Variants in OIT3 observed in about 807,000 individuals in gnomAD.
OIT3 encodes oncoprotein induced transcript 3.
Under a neutral mutation model 52.2 loss-of-function variants are expected in OIT3, and 41 were observed. The ratio of observed to expected loss-of-function variants is 0.79; its 90% CI spans 0.61 to 1.02. The LOEUF (loss-of-function observed/expected upper bound fraction) is 1.02. Ranked by LOEUF, OIT3 falls within the 50% of genes least tolerant of loss-of-function variation. The pLI is 0.00. For synonymous variants in OIT3, 244 were observed against 276.9 expected, an observed-to-expected ratio of 0.88 and a Z score of 1.18; for missense variants, 634 against 715.5, an observed-to-expected ratio of 0.89 and a Z score of 1.30.
chr10:72,906,219 A>G (rs1845977505), intron 3 of OIT3, among the ~76,000 whole-genome samples: 1 of 152,218 alleles, frequency 6.6e-6, no homozygotes, highest in Admixed American at 6.5e-5. Flanking sequence ...TCCTTTCATG[A>G]CTTAAAACAA....
At chr10:72,922,429 A>C (rs1357621202) in intron 6 of OIT3, among the ~76,000 whole-genome samples, 2 of 152,036 alleles carry the variant, frequency 1.3e-5, no homozygotes, top group Non-Finnish European at 2.9e-5. Context: ...TCAGAAAGAC[A>C]GTCTTCAAGC....
chr10:72,896,073 A>G (rs1845873379), intron 1 of OIT3, among the ~76,000 whole-genome samples: 1 of 152,164 alleles, frequency 6.6e-6, no homozygotes, highest in Non-Finnish European at 1.5e-5. Flanking sequence ...AAGATGGTAG[A>G]TAAACTTTTC....
At chr10:72,924,078 GA>G (rs112952142) in intron 6 of OIT3, 150 bp from the exon 7 acceptor site, 85 of 657,510 alleles carry the variant, frequency 1.3e-4, no homozygotes, top group East Asian at 8.7e-4. Context: ...AGGGCAGTGG[GA>G]AAAAAAAACA....
intron 3 of OIT3, among the ~76,000 whole-genome samples, chr10:72,902,462 T>C (rs1589521642): frequency 6.6e-6 from 1 of 152,222 alleles, no homozygotes; most frequent in South Asian, 2.1e-4. Flanking sequence ...GAAACGGCTG[T>C]ATTATTTTCT....
At chr10:72,922,005 T>C (rs1016612844) in intron 6 of OIT3, among the ~76,000 whole-genome samples, 6 of 152,172 alleles carry the variant, frequency 3.9e-5, no homozygotes, top group African/African-American at 1.4e-4. Flanking sequence ...ATGTTGAATA[T>C]TGGCCCCCAG....
At chr10:72,931,104 TA>T (rs1412842404) in intron 8 of OIT3, among the ~76,000 whole-genome samples, 1 of 151,576 alleles carries the variant, frequency 6.6e-6, no homozygotes, top group Non-Finnish European at 1.5e-5. Flanking sequence ...ATACAACACT[TA>T]CAAGGTTATA....
intron 6 of OIT3, among the ~76,000 whole-genome samples, chr10:72,916,699 T>C (rs950941814): frequency 2.0e-5 from 3 of 152,338 alleles, no homozygotes; most frequent in South Asian, 2.1e-4. Context: ...TACCCAGTAA[T>C]GGCATTGCTA....
At chr10:72,898,469 A>C (rs1484805604) in intron 1 of OIT3, among the ~76,000 whole-genome samples, 195 bp from the exon 2 acceptor site, 2 of 152,232 alleles carry the variant, frequency 1.3e-5, no homozygotes, top group Non-Finnish European at 2.9e-5. Context: ...GGTTTGAAAT[A>C]CTTTTGAAAA....
chr10:72,898,921 A>G lies in OIT3; in HGVS notation c.319A>G (p.Ser107Gly), dbSNP rs1845901576. The G allele has an allele frequency of 6.2e-7, 1 of 1,614,082 alleles. No homozygotes were observed. Among genetic ancestry groups the G allele is most frequent in the Admixed American group, 1.7e-5 (1 of 59,996 alleles). The change falls in exon 2 of 9, where the codon AGC becomes GGC. Residue 107 changes from serine to glycine, a missense_variant. Transcript: ENST00000334011. Reference sequence around the variant, plus strand: ...CATTGTGCAACGCCAGGCTTGTGCCAGCTTCAATGGGAACTGCTGTCTCTG... The same window carrying G: ...CATTGTGCAACGCCAGGCTTGTGCCGGCTTCAATGGGAACTGCTGTCTCTG... ...DGIVQRQACA[S>G]FNGNCCLWNT...
intron 3 of OIT3, among the ~76,000 whole-genome samples, chr10:72,904,140 G>C (rs756704513): frequency 6.6e-6 from 1 of 152,130 alleles, no homozygotes; most frequent in African/African-American, 2.4e-5. Flanking sequence ...TCTGATTACC[G>C]GTGCCTGCAG....
At chr10:72,913,591 C>A in intron 6 of OIT3, 123 bp downstream of exon 6, 2 of 810,774 alleles carry the variant, frequency 2.5e-6, no homozygotes, top group South Asian at 1.4e-5. Context: ...AAGAACTGAG[C>A]TCAAAACATC....
rs760396180 is a variant in OIT3 at position 72,898,855 on chromosome 10, C to T, written c.253C>T (p.Pro85Ser). 2 of 1,614,086 alleles carry T rather than the reference C, an allele frequency of 1.2e-6. No individual in the cohort carries two copies. Among genetic ancestry groups the T allele is most frequent in the Non-Finnish European group, 1.7e-6 (2 of 1,180,038 alleles). ...AGAAAACCACTGTGGAACCCACGCA[C>T]CTGTCTGGCTCAATGGCAGCCACCC... The part of the protein sequence containing the change: ...IPENHCGTHA[P>S]VWLNGSHPLE... The change falls in exon 2 of 9, where the codon CCT becomes TCT. Residue 85 changes from proline to serine, a missense_variant. By Grantham distance (74) the Pro-to-Ser change is moderately conservative (BLOSUM62 -1). Coordinates refer to ENST00000334011, the MANE Select transcript of OIT3 (RefSeq NM_152635.3).
chr10:72,923,469 T>C (rs1846139104), intron 6 of OIT3, among the ~76,000 whole-genome samples: 1 of 152,136 alleles, frequency 6.6e-6, no homozygotes, highest in Admixed American at 6.5e-5. Context: ...AGAAGCAGTC[T>C]AGCCCTGCTT....
chr10:72,917,965 C>T lies in OIT3; in HGVS notation c.951+4497C>T, dbSNP rs1846087628. 3.5e-6 allele frequency: 3 copies of T among 858,828 alleles called. No homozygotes were observed. In the African/African-American group the frequency reaches 5.0e-5, roughly 14 times the overall value. 53.2% of individuals were successfully genotyped at this position (858,828 alleles called of 1,614,324 possible). A position where few individuals can be genotyped will look rare whatever the true frequency, so the allele number is the denominator to read the frequency against. On this transcript the variant is annotated intron_variant, in intron 6 of 8. Coordinates refer to ENST00000334011, the MANE Select transcript of OIT3 (RefSeq NM_152635.3). ...TTCTTCACTGGTGCTTTTTCTTCAG[C>T]TTCCTCATTATCTTCATCATTATCA...
chr10:72,902,620 C>T (rs953622355), intron 3 of OIT3, among the ~76,000 whole-genome samples: 8 of 152,190 alleles, frequency 5.3e-5, no homozygotes, highest in Non-Finnish European at 8.8e-5. Context: ...AATTGACTCA[C>T]CCTTCCACAT....
At chr10:72,899,759 GATA>G (rs1845915325) in intron 2 of OIT3, among the ~76,000 whole-genome samples, 3 of 136,444 alleles carry the variant, frequency 2.2e-5, no homozygotes, top group African/African-American at 9.8e-5. Flanking sequence ...ATAGATAGAT[GATA>G]GATAGATAAT....
chr10:72,928,874 T>C (rs1018988402), intron 7 of OIT3, among the ~76,000 whole-genome samples: 3 of 152,156 alleles, frequency 2.0e-5, no homozygotes, highest in Admixed American at 6.5e-5. Flanking sequence ...TTTTGGATTT[T>C]TTTAGGTGCA....
At position 72,898,955 on chromosome 10, in the gene OIT3, C is replaced by T. The variant is rs376142653; in HGVS notation, c.353C>T (p.Thr118Met). The T allele has an allele frequency of 6.7e-5, 108 of 1,614,042 alleles. No individual in the cohort carries two copies. The highest frequency in any genetic ancestry group is 3.3e-4 in the Middle Eastern group (2 of 6,084). Reference sequence around the variant, plus strand: ...GGGAACTGCTGTCTCTGGAACACCACGGTGGAAGTCAAGGCTTGCCCTGGA... The same window carrying T: ...GGGAACTGCTGTCTCTGGAACACCATGGTGGAAGTCAAGGCTTGCCCTGGA... Reference protein sequence around the residue: ...FNGNCCLWNTTVEVKACPGGY... With the variant: ...FNGNCCLWNTMVEVKACPGGY... Residue 118 changes from threonine (T) to methionine (M), a missense_variant, in exon 2 of 9, where the codon ACG becomes ATG. By Grantham distance (81) the Thr-to-Met change is moderately conservative (BLOSUM62 -1). Transcript: ENST00000334011.
At chr10:72,893,979 G>A in intron 1 of OIT3, 120 bp downstream of exon 1, 1 of 603,024 alleles carries the variant, frequency 1.7e-6, no homozygotes, top group Non-Finnish European at 2.8e-6. Flanking sequence ...AATCTTGTAA[G>A]AAAAGTCCCT....
Sources: gnomAD v4.1 joint callset for allele counts (sites outside exome capture counted in the v4.1 genomes callset) on GRCh38, gnomAD v4.1.1 for gene constraint, MANE v1.5 for transcripts, NCBI Gene and HGNC (gene_info 2026-07-23, HGNC 2026-07-21) for gene names.